Variants in KCNAB1 observed in about 807,000 individuals in gnomAD.
KCNAB1 encodes potassium voltage-gated channel subfamily A regulatory beta subunit 1.
A neutral mutation model predicts 64.6 loss-of-function variants in KCNAB1; 35 were observed. The observed-to-expected ratio is 0.54, with a 90% CI of 0.41 to 0.72. KCNAB1 has a LOEUF of 0.72. KCNAB1 is among the 30% of genes least tolerant of loss of function. The pLI is 0.00. For missense variants in KCNAB1, 401 were observed against 512.9 expected (o/e 0.78, Z 2.11); for synonymous variants, 177 against 183.8 (o/e 0.96, Z 0.30).
chr3:156,131,174 G>T (rs1713974911), intron 1 of KCNAB1, among the ~76,000 whole-genome samples: 1 of 152,160 alleles, frequency 6.6e-6, no homozygotes, highest in Admixed American at 6.5e-5. Flanking sequence ...TTTTACCATT[G>T]TATTGTGTGT....
At chr3:156,332,155 T>A (rs1723381999) in intron 1 of KCNAB1, among the ~76,000 whole-genome samples, 1 of 152,032 alleles carries the variant, frequency 6.6e-6, no homozygotes, top group Admixed American at 6.6e-5. Flanking sequence ...TTAAAATGAG[T>A]TTGGTTACCA....
chr3:156,292,510 T>C (rs533493824), intron 1 of KCNAB1, among the ~76,000 whole-genome samples: 10 of 152,338 alleles, frequency 6.6e-5, no homozygotes, highest in African/African-American at 1.2e-4. Flanking sequence ...AGAAATAGTT[T>C]CTCATCTAGT....
intron 11 of KCNAB1, among the ~76,000 whole-genome samples, chr3:156,517,141 C>T (rs559662158): frequency 2.6e-5 from 4 of 152,156 alleles, no homozygotes; most frequent in Non-Finnish European, 5.9e-5. Flanking sequence ...TCAGATAAAC[C>T]GGAGTCCTTC....
intron 1 of KCNAB1, among the ~76,000 whole-genome samples, chr3:156,266,512 G>A (rs903479119): frequency 6.6e-6 from 1 of 152,158 alleles, no homozygotes; most frequent in African/African-American, 2.4e-5. Context: ...TTGCTCCCAA[G>A]GAGCTCAGTT....
intron 1 of KCNAB1, among the ~76,000 whole-genome samples, chr3:156,274,055 A>G (rs1719192059): frequency 6.6e-6 from 1 of 152,206 alleles, no homozygotes; most frequent in African/African-American, 2.4e-5. Flanking sequence ...AAAAATGCAT[A>G]TGGATGTTGG....
At chr3:156,208,508 A>G (rs1040782322) in intron 1 of KCNAB1, among the ~76,000 whole-genome samples, 2 of 152,098 alleles carry the variant, frequency 1.3e-5, no homozygotes, top group Non-Finnish European at 2.9e-5. Context: ...TAAATTTCCA[A>G]ATGACCCCTC....
intron 1 of KCNAB1, among the ~76,000 whole-genome samples, chr3:156,315,688 T>A (rs1312459995): frequency 6.6e-6 from 1 of 152,206 alleles, no homozygotes; most frequent in Non-Finnish European, 1.5e-5. Context: ...ACGTTTCTCA[T>A]TATCTATTCA....
intron 3 of KCNAB1, chr3:156,453,159 T>A (rs967324931): frequency 1.3e-5 from 5 of 379,298 alleles, no homozygotes; most frequent in African/African-American, 2.1e-5. Flanking sequence ...TATATGCAGG[T>A]TGAACAGTCA....
intron 1 of KCNAB1, among the ~76,000 whole-genome samples, chr3:156,237,348 G>A (rs1433136683): frequency 2.0e-5 from 3 of 151,964 alleles, no homozygotes; most frequent in African/African-American, 7.3e-5. Flanking sequence ...AGTAAACAGG[G>A]TTTTTCAGAA....
At chr3:156,463,508 G>A (rs1038180713) in intron 5 of KCNAB1, among the ~76,000 whole-genome samples, 194 bp from the exon 6 acceptor site, 10 of 152,076 alleles carry the variant, frequency 6.6e-5, no homozygotes, top group African/African-American at 2.4e-4. Flanking sequence ...TCTAGGATCC[G>A]ACTTTGAGTC....
intron 7 of KCNAB1, among the ~76,000 whole-genome samples, chr3:156,466,211 T>A (rs948742842): frequency 2.0e-5 from 3 of 152,174 alleles, no homozygotes; most frequent in Non-Finnish European, 4.4e-5. Flanking sequence ...ATTCTGGACA[T>A]TTCATGTAAA....
Position 156,319,189 on chromosome 3 carries a change from C to A in KCNAB1, c.276-102427C>A, listed in dbSNP as rs562115330. ...TCCTGTGATTTTTCATACAGTCAGC[C>A]TGGCAGTGAAATAAGCTCTCCTTTC... is the stretch of plus-strand genomic sequence containing the variant. On this transcript the variant is annotated intron_variant, in intron 1 of 13. Coordinates refer to ENST00000490337, the MANE Select transcript of KCNAB1 (RefSeq NM_172160.3). Among the ~76,000 whole-genome samples the A allele has an allele frequency of 4.6e-5, 7 of 152,232 alleles. No individual in the cohort carries two copies. The East Asian group carries it at 1.4e-3, about 29-fold the overall frequency.
rs780291023 is a variant in KCNAB1, at chr3:156,523,921, G to T, written c.1055G>T (p.Gly352Val). The T allele has an allele frequency of 6.2e-7, 1 of 1,614,054 alleles. No individual in the cohort carries two copies. The highest frequency in any genetic ancestry group is 1.1e-5 in the South Asian group (1 of 91,052). Residue 352 changes from glycine to valine, a missense_variant, in exon 12 of 14, where the codon GGA (glycine) becomes GTA (valine). Physicochemically the swap from Gly to Val is moderately radical, Grantham distance 109. Coordinates refer to ENST00000490337, the MANE Select transcript of KCNAB1 (RefSeq NM_172160.3). ...KDLSPIAERLGCTLPQLAVAW... is the reference protein window; with the variant it reads ...KDLSPIAERLVCTLPQLAVAW... ...CTTTCCCCAATTGCGGAGCGTCTGG[G>T]ATGCACACTACCTCAGCTAGCTGTT...
chr3:156,413,668 G>A (rs1334603889), intron 1 of KCNAB1, among the ~76,000 whole-genome samples: 2 of 152,166 alleles, frequency 1.3e-5, no homozygotes, highest in African/African-American at 4.8e-5. Context: ...GCAAACCACA[G>A]AGCCTCCCTG....
At chr3:156,126,360 A>ATAGT (rs935007089) in intron 1 of KCNAB1, among the ~76,000 whole-genome samples, 2 of 152,120 alleles carry the variant, frequency 1.3e-5, no homozygotes, top group Non-Finnish European at 2.9e-5. Context: ...AGGAGAGAGT[A>ATAGT]TGATAGTTGA....
At chr3:156,430,362 C>T (rs1425807462) in intron 2 of KCNAB1, among the ~76,000 whole-genome samples, 5 of 152,190 alleles carry the variant, frequency 3.3e-5, no homozygotes, top group Non-Finnish European at 7.3e-5. Context: ...GCACACACCT[C>T]ATCTCTCTCC....
intron 8 of KCNAB1, among the ~76,000 whole-genome samples, chr3:156,498,020 AGTTTGAAAAGAGCCCC>A (rs1559916238): frequency 3.3e-5 from 5 of 152,186 alleles, no homozygotes; most frequent in African/African-American, 4.8e-5. Flanking sequence ...ATAAGATGTC[AGTTTGAAAAGAGCCCC>A]TGTCAAAGCA....
intron 1 of KCNAB1, among the ~76,000 whole-genome samples, chr3:156,287,288 C>T (rs550429869): frequency 6.7e-6 from 1 of 149,484 alleles, no homozygotes; most frequent in African/African-American, 2.5e-5. Context: ...CCAGCTGAGA[C>T]TCAGGCAAAG....
intron 1 of KCNAB1, among the ~76,000 whole-genome samples, chr3:156,185,648 G>C (rs1411948807): frequency 6.6e-6 from 1 of 152,186 alleles, no homozygotes; most frequent in Non-Finnish European, 1.5e-5. Flanking sequence ...AGTTAATTGG[G>C]TAGAGAAGTA....
Sources: gnomAD v4.1 joint callset for allele counts (sites outside exome capture counted in the v4.1 genomes callset) on GRCh38, gnomAD v4.1.1 for gene constraint, MANE v1.5 for transcripts, NCBI Gene and HGNC (gene_info 2026-07-23, HGNC 2026-07-21) for gene names.